GRAMD2B: variants seen among roughly 807,000 people sequenced by gnomAD.
GRAMD2B encodes GRAM domain containing 2B.
A neutral mutation model predicts 59.2 loss-of-function variants in GRAMD2B; 41 were observed. The observed-to-expected ratio is 0.69, with a 90% CI of 0.54 to 0.90. GRAMD2B has a LOEUF of 0.90. GRAMD2B is among the 40% of genes least tolerant of loss of function. The probability of loss-of-function intolerance (pLI) is 0.00; values close to 1 mark genes in which losing one functional copy is unlikely to be tolerated. For missense variants in GRAMD2B, 424 were observed against 500.5 expected, an observed-to-expected ratio of 0.85 and a Z score of 1.46; for synonymous variants, 161 against 182.7, an observed-to-expected ratio of 0.88 and a Z score of 0.96.
intron 2 of GRAMD2B, chr5:126,467,377 T>C (rs1768651020): frequency 6.6e-6 from 1 of 152,136 alleles, no homozygotes; most frequent in African/African-American, 2.4e-5. Flanking sequence ...TCTTGTCACC[T>C]GTAGGAAGTG....
At chr5:126,475,057 C>T (rs992583007) in intron 5 of GRAMD2B, among the ~76,000 whole-genome samples, 8 of 152,200 alleles carry the variant, frequency 5.3e-5, no homozygotes, top group East Asian at 3.8e-4. Context: ...TGCTCTACAA[C>T]GGGAACTTTC....
intron 1 of GRAMD2B, among the ~76,000 whole-genome samples, chr5:126,426,318 A>G (rs139945104): frequency 6.6e-6 from 1 of 151,750 alleles, no homozygotes; most frequent in East Asian, 1.9e-4. Flanking sequence ...CTCTTCATCT[A>G]CTTCTAGAAA....
At chr5:126,442,859 A>C (rs548293209) in intron 1 of GRAMD2B, among the ~76,000 whole-genome samples, 1 of 152,320 alleles carries the variant, frequency 6.6e-6, no homozygotes, top group African/African-American at 2.4e-5. Context: ...ATAAAATTAA[A>C]AAAAACCAGT....
At chr5:126,447,817 T>C (rs1764593710) in intron 1 of GRAMD2B, among the ~76,000 whole-genome samples, 1 of 151,996 alleles carries the variant, frequency 6.6e-6, no homozygotes, top group African/African-American at 2.4e-5. Flanking sequence ...CAGAGGCATA[T>C]GGTCAAAGCA....
intron 1 of GRAMD2B, among the ~76,000 whole-genome samples, chr5:126,408,070 C>A (rs1305927015): frequency 6.6e-6 from 1 of 151,770 alleles, no homozygotes; most frequent in Non-Finnish European, 1.5e-5. Flanking sequence ...GAGCATAGTC[C>A]CCAGAGGTTT....
rs532749596 is a variant in GRAMD2B at position 126,468,486 on chromosome 5, T to A, written c.204-1191T>A. Among the ~76,000 whole-genome samples, 290 of 152,264 alleles carry A rather than the reference T, an allele frequency of 1.9e-3. 1 individual carries two copies. Among genetic ancestry groups the A allele is most frequent in the African/African-American group, 6.1e-3 (255 of 41,552 alleles). ...TCCTCTTCTATTTATTTACTTTTTT[T>A]AATTTAACTTTATTTTTTTGAGACA... On this transcript the variant is annotated intron_variant, in intron 2 of 13. Transcript: ENST00000285689.
chr5:126,423,495 G>C lies in GRAMD2B; in HGVS notation c.-112G>C. The stretch of plus-strand genomic sequence containing the variant: ...GGATGCGCTGGGCGGAGGGTGCAGG[G>C]GAGGGCACGGCGCCGCTTGCTTGGC... On this transcript the variant is annotated 5_prime_UTR_variant, in exon 1 of 14. Coordinates refer to ENST00000285689, the MANE Select transcript of GRAMD2B (RefSeq NM_023927.4). 6.5e-7 allele frequency: 1 copy of C among 1,527,354 alleles called. No individual in the cohort carries two copies. The highest frequency in any genetic ancestry group is 8.8e-7 in the Non-Finnish European group (1 of 1,139,634). The allele number at this position is 1,527,354 out of a possible 1,614,324, so 94.6% of individuals were successfully genotyped here. A position where few individuals can be genotyped will look rare whatever the true frequency, so the allele number is the denominator to read the frequency against.
At chr5:126,428,230 CTT>C (rs1311807581) in intron 1 of GRAMD2B, among the ~76,000 whole-genome samples, 1 of 152,084 alleles carries the variant, frequency 6.6e-6, no homozygotes, top group African/African-American at 2.4e-5. Flanking sequence ...ATCCAGTTCA[CTT>C]TTCATTATAA....
chr5:126,485,564 A>G, intron 10 of GRAMD2B, 122 bp from the exon 11 acceptor site: 1 of 605,022 alleles, frequency 1.7e-6, no homozygotes, highest in Non-Finnish European at 2.9e-6. Context: ...GAGACTTGAT[A>G]TTTTCTCTGA....
chr5:126,395,621 T>C (rs1384750568), intron 1 of GRAMD2B, among the ~76,000 whole-genome samples: 1 of 152,194 alleles, frequency 6.6e-6, no homozygotes, highest in African/African-American at 2.4e-5. Context: ...TCCAAAAAAA[T>C]CTATTAGTAA....
At chr5:126,399,525 C>T (rs1757646378) in intron 1 of GRAMD2B, among the ~76,000 whole-genome samples, 1 of 152,120 alleles carries the variant, frequency 6.6e-6, no homozygotes, top group African/African-American at 2.4e-5. Flanking sequence ...CCATGTAAGA[C>T]ATGTCTTCCT....
At chr5:126,490,927 T>C (rs1424024551) in intron 13 of GRAMD2B, among the ~76,000 whole-genome samples, 1 of 152,228 alleles carries the variant, frequency 6.6e-6, no homozygotes, top group Non-Finnish European at 1.5e-5. Context: ...GGTTGACTAG[T>C]TGGCAAATCC....
chr5:126,470,752 T>C (rs906339449), intron 3 of GRAMD2B, among the ~76,000 whole-genome samples: 1 of 151,972 alleles, frequency 6.6e-6, no homozygotes, highest in African/African-American at 2.4e-5. Flanking sequence ...ACAGACAGGG[T>C]GTTGCCGTGT....
chr5:126,396,331 C>G (rs1757360002), intron 1 of GRAMD2B, among the ~76,000 whole-genome samples: 1 of 152,154 alleles, frequency 6.6e-6, no homozygotes, highest in African/African-American at 2.4e-5. Context: ...CTACTCCCAC[C>G]TTCCATCTAC....
chr5:126,447,671 GA>G lies in GRAMD2B; in HGVS notation c.84-17740del, dbSNP rs113356500. Among the ~76,000 whole-genome samples, 437 of 120,142 alleles carry G rather than the reference GA, an allele frequency of 3.6e-3. 2 individuals are homozygous for G. Among genetic ancestry groups the G allele is most frequent in the East Asian group, 0.022 (82 of 3,722 alleles). 78.8% of individuals were successfully genotyped at this position (120,142 alleles called of 152,430 possible). On this transcript the variant is annotated intron_variant, in intron 1 of 13. Transcript: ENST00000285689. ...AGAGCAAGACTCCGTCTCAAAAAAA[GA>G]AAAAAAAAAAAAAAGAAAGAGATCA...
chr5:126,445,254 G>T (rs957574097), intron 1 of GRAMD2B, among the ~76,000 whole-genome samples: 1 of 152,056 alleles, frequency 6.6e-6, no homozygotes, highest in African/African-American at 2.4e-5. Flanking sequence ...TTGCCTCTGG[G>T]TCTTTAAGGA....
intron 1 of GRAMD2B, among the ~76,000 whole-genome samples, chr5:126,374,560 TATTA>T (rs1755029140): frequency 6.6e-6 from 1 of 152,254 alleles, no homozygotes; most frequent in African/African-American, 2.4e-5. Flanking sequence ...TTTGTTAGTT[TATTA>T]ATTATTTTCT....
intron 1 of GRAMD2B, among the ~76,000 whole-genome samples, chr5:126,378,419 T>C (rs561514997): frequency 1.3e-3 from 191 of 152,336 alleles, no homozygotes; most frequent in African/African-American, 4.5e-3. Flanking sequence ...GTAAACTCTT[T>C]CCAATTCATA....
chr5:126,442,348 T>C (rs1023615167), intron 1 of GRAMD2B, among the ~76,000 whole-genome samples: 6 of 151,244 alleles, frequency 4.0e-5, no homozygotes, highest in Non-Finnish European at 8.8e-5. Context: ...TGGAGTGTAA[T>C]GGTGTGATGT....
Sources: gnomAD v4.1 joint callset for allele counts (sites outside exome capture counted in the v4.1 genomes callset) on GRCh38, gnomAD v4.1.1 for gene constraint, MANE v1.5 for transcripts, NCBI Gene and HGNC (gene_info 2026-07-23, HGNC 2026-07-21) for gene names.